Variants in AP1M1 observed in about 807,000 individuals in gnomAD.
The protein encoded by AP1M1 is adaptor related protein complex 1 subunit mu 1.
In AP1M1, 18 loss-of-function variants were observed where a neutral mutation model predicts 57.1. The ratio of observed to expected loss-of-function variants is 0.32; its 90% CI spans 0.22 to 0.47. AP1M1 has a LOEUF of 0.47. Ranked by LOEUF, AP1M1 falls within the 20% of genes least tolerant of loss-of-function variation. The pLI is 1.00. For synonymous variants in AP1M1, 241 were observed against 237.9 expected (o/e 1.01, Z -0.12); for missense variants, 362 against 593.5 (o/e 0.61, Z 4.05).
intron 1 of AP1M1, among the ~76,000 whole-genome samples, chr19:16,201,584 G>T (rs1183391283): frequency 6.6e-6 from 1 of 152,040 alleles, no homozygotes; most frequent in African/African-American, 2.4e-5. Flanking sequence ...TTTTAGTAGA[G>T]ACAGGGTTTC....
intron 9 of AP1M1, 74 bp from the exon 10 acceptor site, chr19:16,233,419 G>A (rs1359604123): frequency 1.5e-5 from 22 of 1,459,722 alleles, no homozygotes; most frequent in Middle Eastern, 2.3e-4. Context: ...TCTGCCCATC[G>A]CCACTAGGGC....
chr19:16,221,076 A>G (rs974350770), intron 5 of AP1M1, among the ~76,000 whole-genome samples: 32 of 152,168 alleles, frequency 2.1e-4, no homozygotes, highest in African/African-American at 7.7e-4. Flanking sequence ...TCTTTCATCA[A>G]ATTGGGAAGT....
chr19:16,234,353 C>T lies in AP1M1; in HGVS notation c.1250-60C>T, dbSNP rs1273140087. The T allele has an allele frequency of 6.8e-6, 11 of 1,613,344 alleles. No individual in the cohort carries two copies. In the Admixed American group the frequency reaches 8.3e-5, roughly 12 times the overall value. ...TGCCCCCAGGGTGGAGCCATCGGGT[C>T]GGGTCCCGAAAGCAGGGAGGGTGCA... is the stretch of plus-strand genomic sequence containing the variant. On this transcript the variant is annotated intron_variant, in intron 11 of 11. Transcript: ENST00000291439.
At chr19:16,230,528 G>A (rs762362785) in intron 9 of AP1M1, among the ~76,000 whole-genome samples, 8 of 152,064 alleles carry the variant, frequency 5.3e-5, no homozygotes, top group Non-Finnish European at 1.0e-4. Flanking sequence ...AGCGTCCTGA[G>A]CAGCTGGGAT....
At chr19:16,233,757 C>T in intron 10 of AP1M1, 139 bp downstream of exon 10, 1 of 1,214,374 alleles carries the variant, frequency 8.2e-7, no homozygotes, top group Non-Finnish European at 1.1e-6. Flanking sequence ...TGCCTCCCCA[C>T]AGACAGGGTG....
chr19:16,210,893 C>T (rs1260328124), intron 5 of AP1M1, among the ~76,000 whole-genome samples: 1 of 152,164 alleles, frequency 6.6e-6, no homozygotes, highest in Non-Finnish European at 1.5e-5. Context: ...TAATGTTGAG[C>T]ATTGCTTTAC....
Position 16,226,474 on chromosome 19 carries a change from G to A in AP1M1, c.600G>A (p.Met200Ile). 1 of 1,581,664 alleles carries A rather than the reference G, an allele frequency of 6.3e-7. No homozygotes were observed. Among genetic ancestry groups the A allele is most frequent in the Non-Finnish European group, 8.6e-7 (1 of 1,164,456 alleles). Residue 200 changes from methionine (M) to isoleucine (I), a missense_variant, in exon 6 of 12, where the codon ATG becomes ATA. Coordinates refer to ENST00000291439, the MANE Select transcript of AP1M1 (RefSeq NM_032493.4). The part of the protein sequence containing the change: ...LRSEIVGSIK[M>I]RVFLSGMPEL... Reference sequence around the variant, plus strand: ...GCGAGATCGTGGGCTCCATCAAGATGCGAGTCTTCCTCTCGGGCATGCCCG... The same window carrying A: ...GCGAGATCGTGGGCTCCATCAAGATACGAGTCTTCCTCTCGGGCATGCCCG...
Position 16,205,993 on chromosome 19 carries a change from G to A in AP1M1, c.200-348G>A, listed in dbSNP as rs952630710. On this transcript the variant is annotated intron_variant, in intron 2 of 11. Coordinates refer to ENST00000291439, the MANE Select transcript of AP1M1 (RefSeq NM_032493.4). ...GGTCAGCTTTGGAGGAGCAGGGCCA[G>A]TGTGTCCTGCTTTCTGCTCCTGGAA... Among the ~76,000 whole-genome samples, 4 of 152,170 alleles carry A rather than the reference G, an allele frequency of 2.6e-5. No homozygotes were observed. The South Asian group carries it at 6.2e-4, about 24-fold the overall frequency.
At chr19:16,212,831 T>G (rs2091501294) in intron 5 of AP1M1, among the ~76,000 whole-genome samples, 2 of 152,256 alleles carry the variant, frequency 1.3e-5, no homozygotes, top group African/African-American at 4.8e-5. Context: ...TTTCTTGACT[T>G]CTGCCTTAAT....
intron 5 of AP1M1, among the ~76,000 whole-genome samples, chr19:16,218,029 T>C (rs949452337): frequency 2.0e-5 from 3 of 152,214 alleles, no homozygotes; most frequent in Non-Finnish European, 4.4e-5. Context: ...TTCATGGCAA[T>C]GACCCAACAA....
intron 1 of AP1M1, among the ~76,000 whole-genome samples, chr19:16,199,936 G>A (rs553260665): frequency 1.2e-4 from 19 of 152,318 alleles, no homozygotes; most frequent in African/African-American, 4.1e-4. Flanking sequence ...CCATGGCTGT[G>A]GTGTTAGGGG....
chr19:16,215,322 G>A lies in AP1M1; in HGVS notation c.546+6145G>A, dbSNP rs1440723642. Among the ~76,000 whole-genome samples, 8 of 146,482 alleles carry A rather than the reference G, an allele frequency of 5.5e-5. No individual in the cohort carries two copies. The East Asian group carries it at 6.2e-4, about 11-fold the overall frequency. ...CTGAAAATATAAAAATTAGCAGCAC[G>A]TGGTGGTGCATGCCTGTAGTCCCAG... is the stretch of plus-strand genomic sequence containing the variant. On this transcript the variant is annotated intron_variant, in intron 5 of 11. Transcript: ENST00000291439.
chr19:16,210,682 C>G (rs543178979), intron 5 of AP1M1, among the ~76,000 whole-genome samples: 1 of 152,202 alleles, frequency 6.6e-6, no homozygotes, highest in African/African-American at 2.4e-5. Context: ...GCCTCAGCCT[C>G]CCGAGTAGCT....
chr19:16,228,131 T>G lies in AP1M1; in HGVS notation c.817-6T>G. The G allele has an allele frequency of 6.2e-7, 1 of 1,613,806 alleles. No individual in the cohort carries two copies. The highest frequency in any genetic ancestry group is 1.1e-5 in the South Asian group (1 of 91,086). On this transcript the variant is annotated splice_region_variant and splice_polypyrimidine_tract_variant and intron_variant, in intron 7 of 11. Coordinates refer to ENST00000291439, the MANE Select transcript of AP1M1 (RefSeq NM_032493.4). The surrounding 1 kb of genome is among the most constrained non-coding windows in gnomAD (Gnocchi z 5.0). ...GTGTGAGCACCCTCTTTGCCCTCCTTGGCAGGTCAAGCCTTTGATATGGAT... is the reference window on the plus strand; with the variant it reads ...GTGTGAGCACCCTCTTTGCCCTCCTGGGCAGGTCAAGCCTTTGATATGGAT...
rs551370705 is a variant in AP1M1, at chr19:16,238,279, T to C, written c.*3844T>C. The C allele has an allele frequency of 6.8e-6, 1 of 147,492 alleles. No individual in the cohort carries two copies. Among genetic ancestry groups the C allele is most frequent in the East Asian group, 2.0e-4 (1 of 5,102 alleles). The allele number at this position is 147,492 out of a possible 1,614,324, so 9.1% of individuals were successfully genotyped here. On this transcript the variant is annotated 3_prime_UTR_variant, in exon 12 of 12. Transcript: ENST00000291439. Reference sequence around the variant, plus strand: ...CCTGAGAAGTCCATGCACCAATATATAGAGAAATATCAGGTGTACAGTTAC... The same window carrying C: ...CCTGAGAAGTCCATGCACCAATATACAGAGAAATATCAGGTGTACAGTTAC...
At chr19:16,220,375 CTTTTGGGGTTT>C (rs1490907658) in intron 5 of AP1M1, among the ~76,000 whole-genome samples, 4 of 151,872 alleles carry the variant, frequency 2.6e-5, no homozygotes, top group Admixed American at 2.0e-4. Flanking sequence ...CCATGCCCGG[CTTTTGGGGTTT>C]TTTTGTTTTT....
intron 5 of AP1M1, among the ~76,000 whole-genome samples, chr19:16,219,889 G>T (rs2091535920): frequency 6.6e-6 from 1 of 151,994 alleles, no homozygotes; most frequent in South Asian, 2.1e-4. Flanking sequence ...GGAGCATTTT[G>T]GATTTGGGAT....
Position 16,206,766 on chromosome 19 carries a change from C to G in AP1M1, c.267+358C>G, listed in dbSNP as rs1174569489. Among the ~76,000 whole-genome samples, 1 of 152,192 alleles carries G rather than the reference C, an allele frequency of 6.6e-6. No homozygotes were observed. The highest frequency in any genetic ancestry group is 2.4e-5 in the African/African-American group (1 of 41,450). On this transcript the variant is annotated intron_variant, in intron 3 of 11. Coordinates refer to ENST00000291439, the MANE Select transcript of AP1M1 (RefSeq NM_032493.4). The surrounding 1 kb of genome is among the most constrained non-coding windows in gnomAD (Gnocchi z 4.3). The stretch of plus-strand genomic sequence containing the variant: ...AGCAGAGCTGCAGAGCTGAGCCCAC[C>G]TCAGAATCTCCCAGGGGGCTCTCAA...
At chr19:16,202,806 T>C (rs2091454192) in intron 1 of AP1M1, 1 of 152,816 alleles carries the variant, frequency 6.5e-6, no homozygotes, top group Non-Finnish European at 1.5e-5. Context: ...GTGCTAGTGT[T>C]TGTGCAGACA....
Sources: allele counts gnomAD v4.1 joint callset (sites outside exome capture counted in the v4.1 genomes callset), GRCh38; gene constraint gnomAD v4.1.1; non-coding constraint Gnocchi (gnomAD v3.1); transcripts MANE v1.5; gene names NCBI Gene and HGNC (gene_info 2026-07-23, HGNC 2026-07-21).